TANC2: variants seen among roughly 807,000 people sequenced by gnomAD.
TANC2 encodes protein TANC2.
A neutral mutation model predicts 210.5 loss-of-function variants in TANC2; 26 were observed. That is an observed-to-expected ratio of 0.12 (90% CI 0.09 to 0.17). The LOEUF (loss-of-function observed/expected upper bound fraction) is 0.17. Ranked by LOEUF, TANC2 falls within the 10% of genes least tolerant of loss-of-function variation. The pLI is 1.00. For synonymous variants in TANC2, 931 were observed against 967.1 expected (o/e 0.96, Z 0.69); for missense variants, 2,129 against 2,608.9 (o/e 0.82, Z 4.01).
intron 8 of TANC2, among the ~76,000 whole-genome samples, chr17:63,260,726 C>G (rs2043330823): frequency 6.6e-6 from 1 of 151,282 alleles, no homozygotes. Context: ...CACACCACTG[C>G]ACTCTAGCCT....
At chr17:63,423,807 T>C (rs1409132483) in exon 28 of TANC2, 2 of 152,418 alleles carry the variant, frequency 1.3e-5, no homozygotes, top group South Asian at 2.1e-4. Flanking sequence ...CCAGCCTCTT[T>C]CCACACTCCC....
chr17:63,377,641 GTCT>G (rs1463676055), intron 14 of TANC2, among the ~76,000 whole-genome samples: 1 of 152,140 alleles, frequency 6.6e-6, no homozygotes. Flanking sequence ...ACATTTTCCT[GTCT>G]TCTTCTGAGC....
chr17:63,302,338 A>G (rs2044745976), intron 9 of TANC2, among the ~76,000 whole-genome samples: 1 of 150,886 alleles, frequency 6.6e-6, no homozygotes, highest in African/African-American at 2.4e-5. Context: ...ATCCTTGTTA[A>G]TTTTCTGTCT....
chr17:63,412,839 AT>A lies in TANC2; in HGVS notation c.3928+138del, dbSNP rs912481564. 31 of 1,088,686 alleles carry A rather than the reference AT, an allele frequency of 2.8e-5. No individual in the cohort carries two copies. The highest frequency in any genetic ancestry group is 1.6e-4 in the East Asian group (6 of 37,112). The allele number at this position is 1,088,686 out of a possible 1,614,324, so 67.4% of individuals were successfully genotyped here. On this transcript the variant is annotated intron_variant, in intron 24 of 27. Coordinates refer to ENST00000689528, the Ensembl canonical transcript of TANC2. This position sits in a 1 kb window ranked among gnomAD's most constrained non-coding sequence, Gnocchi z 4.2. ...TTAATTTACTTCACCTTAAAAGAAG[AT>A]TTTTTTTAATGACTGTTGTAGAGAA...
At chr17:63,220,715 A>T (rs79394135) in intron 7 of TANC2, among the ~76,000 whole-genome samples, 21,135 of 138,680 alleles carry the variant, frequency 0.15, 1,935 homozygotes, top group South Asian at 0.25. Context: ...AAAAAAAAAA[A>T]AAAAATATAT....
At chr17:63,426,570 A>T (rs745720676) in exon 28 of TANC2, 1 of 152,230 alleles carries the variant, frequency 6.6e-6, no homozygotes, top group Admixed American at 6.5e-5. Flanking sequence ...TTGTGGCCAC[A>T]TGGTGGCCAC....
rs758478943 is a variant in TANC2 at position 63,411,616 on chromosome 17, C to A, written c.3695C>A (p.Ala1232Asp). ...CGTTCTCTGGTGGATAACGGAGCTG[C>A]CACAGACCATGCTGACAAGAATGGC... Residue 1232 changes from alanine to aspartate, a missense_variant, in exon 22 of 28, where the codon GCC becomes GAC. By Grantham distance (126) the Ala-to-Asp change is moderately radical. Around this residue, in one of 5 missense-constraint regions of TANC2, gnomAD observed 644 missense variants for 937.5 expected, o/e 0.69. Transcript: ENST00000689528. The A allele has an allele frequency of 2.6e-5, 42 of 1,613,874 alleles. No individual in the cohort carries two copies. In the East Asian group the frequency reaches 8.9e-4, roughly 34 times the overall value.
intron 2 of TANC2, among the ~76,000 whole-genome samples, chr17:63,020,275 A>G (rs1028874454): frequency 6.6e-6 from 1 of 151,996 alleles, no homozygotes; most frequent in African/African-American, 2.4e-5. Flanking sequence ...AAAGTTTTTA[A>G]TATTGATGAA....
intron 8 of TANC2, among the ~76,000 whole-genome samples, chr17:63,246,024 A>T (rs958619511): frequency 6.6e-6 from 1 of 151,480 alleles, no homozygotes; most frequent in Non-Finnish European, 1.5e-5. Flanking sequence ...AAAAAAAAAA[A>T]ATTATATGTA....
At chr17:63,282,841 C>G (rs2044101141) in intron 9 of TANC2, among the ~76,000 whole-genome samples, 1 of 151,892 alleles carries the variant, frequency 6.6e-6, no homozygotes, top group Non-Finnish European at 1.5e-5. Context: ...AGTTGTGAAA[C>G]TTTTTTTATC....
chr17:63,345,898 A>C (rs2046392068), intron 12 of TANC2, among the ~76,000 whole-genome samples: 1 of 152,212 alleles, frequency 6.6e-6, no homozygotes, highest in African/African-American at 2.4e-5. Context: ...AGTCAGGTCC[A>C]AAATTCCACA....
At chr17:63,170,258 C>T (rs866537936) in intron 5 of TANC2, among the ~76,000 whole-genome samples, 30 of 145,816 alleles carry the variant, frequency 2.1e-4, no homozygotes, top group African/African-American at 7.6e-4. Context: ...AATCCCATCT[C>T]TACTAAAAAT....
chr17:63,094,864 C>G (rs1394853652), intron 3 of TANC2, among the ~76,000 whole-genome samples: 1 of 149,410 alleles, frequency 6.7e-6, no homozygotes, highest in African/African-American at 2.6e-5. Context: ...TGCCACATCT[C>G]CATCATATTA....
At chr17:63,071,899 T>G (rs371370246) in intron 2 of TANC2, among the ~76,000 whole-genome samples, 6 of 152,130 alleles carry the variant, frequency 3.9e-5, no homozygotes, top group East Asian at 1.9e-4. Context: ...ATCAGAGAGA[T>G]GTATTGAGTC....
At chr17:63,223,723 C>T (rs1022803860) in intron 7 of TANC2, among the ~76,000 whole-genome samples, 1 of 151,934 alleles carries the variant, frequency 6.6e-6, no homozygotes. Context: ...ACTGTCATGG[C>T]GGCAGTGGAG....
chr17:63,232,172 G>T (rs1284345034), intron 7 of TANC2, among the ~76,000 whole-genome samples: 2 of 152,106 alleles, frequency 1.3e-5, no homozygotes, highest in Non-Finnish European at 2.9e-5. Flanking sequence ...TTTTATCATG[G>T]TTCTCAGCTT....
At chr17:63,046,262 C>G (rs1176906870) in intron 2 of TANC2, among the ~76,000 whole-genome samples, 4 of 142,166 alleles carry the variant, frequency 2.8e-5, no homozygotes, top group African/African-American at 1.1e-4. Context: ...TGGGTTTAAG[C>G]GATTCTCCTG....
At chr17:63,071,880 G>T (rs1281649342) in intron 2 of TANC2, among the ~76,000 whole-genome samples, 1 of 152,116 alleles carries the variant, frequency 6.6e-6, no homozygotes, top group Non-Finnish European at 1.5e-5. Flanking sequence ...AATTTGGGTA[G>T]AAATTAGTAT....
chr17:63,089,909 G>A (rs1386120127), intron 3 of TANC2, among the ~76,000 whole-genome samples: 1 of 151,842 alleles, frequency 6.6e-6, no homozygotes, highest in African/African-American at 2.4e-5. Context: ...CAGTGAGTAT[G>A]TTATTACAAA....
Sources: allele counts gnomAD v4.1 joint callset (sites outside exome capture counted in the v4.1 genomes callset), GRCh38; gene constraint gnomAD v4.1.1; regional missense constraint gnomAD v4.1.1; non-coding constraint Gnocchi (gnomAD v3.1); transcripts MANE v1.5; gene names NCBI Gene and HGNC (gene_info 2026-07-23, HGNC 2026-07-21).